Variants in NAALADL2 observed in about 807,000 individuals in gnomAD.
NAALADL2 encodes the protein inactive N-acetylated-alpha-linked acidic dipeptidase-like protein 2.
NAALADL2 carries 76 observed loss-of-function variants against 87.2 expected under a neutral mutation model. The observed-to-expected ratio is 0.87, with a 90% CI of 0.72 to 1.05. The LOEUF is 1.05. NAALADL2 is among the 50% of genes least tolerant of loss of function. The pLI is 0.00. For missense variants in NAALADL2, 1,089 were observed against 945.8 expected (o/e 1.15, Z -1.99); for synonymous variants, 354 against 331.0 (o/e 1.07, Z -0.75).
intron 1 of NAALADL2, among the ~76,000 whole-genome samples, chr3:174,941,334 CT>C (rs953801821): frequency 5.9e-5 from 9 of 151,670 alleles, no homozygotes; most frequent in African/African-American, 2.2e-4. Context: ...TCAGTCTTCT[CT>C]TTTTTTTGCA....
rs551750643 is a variant in NAALADL2, at chr3:174,773,943, T to C, written c.-9+36197T>C. Among the ~76,000 whole-genome samples the C allele has an allele frequency of 2.7e-3, 416 of 152,268 alleles. 2 individuals are homozygous for C. The highest frequency in any genetic ancestry group is 9.6e-3 in the African/African-American group (401 of 41,562). ...AACTTTGTAAATTTGAAATTCTTTC[T>C]TTTTCAGTTTCTATTTCCCCTCTAT... is the stretch of plus-strand genomic sequence containing the variant. On this transcript the variant is annotated intron_variant, in intron 3 of 3. Coordinates refer to the NAALADL2 transcript ENST00000434257.
intron 1 of NAALADL2, among the ~76,000 whole-genome samples, chr3:174,886,080 A>AT (rs1387547990): frequency 1.3e-5 from 2 of 150,950 alleles, no homozygotes; most frequent in Admixed American, 6.6e-5. Flanking sequence ...CGCCCAGCTA[A>AT]TTTTTTGTAT....
At chr3:174,576,396 T>C (rs529111510) in intron 2 of NAALADL2, among the ~76,000 whole-genome samples, 2 of 152,318 alleles carry the variant, frequency 1.3e-5, no homozygotes, top group South Asian at 4.1e-4. Context: ...ACTATAGATA[T>C]ATTTCCTTCA....
intron 2 of NAALADL2, among the ~76,000 whole-genome samples, chr3:175,145,822 T>C (rs1050418050): frequency 1.3e-5 from 2 of 152,138 alleles, no homozygotes; most frequent in South Asian, 4.1e-4. Context: ...AAAGATATTC[T>C]AAAACAAGTC....
At chr3:174,585,147 A>G (rs1348501767) in intron 2 of NAALADL2, among the ~76,000 whole-genome samples, 2 of 152,168 alleles carry the variant, frequency 1.3e-5, no homozygotes, top group African/African-American at 4.8e-5. Context: ...ATTACAAGTA[A>G]GGTCAGAGCT....
At chr3:175,037,376 CAA>C (rs1753547516) in intron 1 of NAALADL2, among the ~76,000 whole-genome samples, 1 of 152,044 alleles carries the variant, frequency 6.6e-6, no homozygotes, top group African/African-American at 2.4e-5. Context: ...TCAGGAGAAC[CAA>C]AGAGATGAGA....
At chr3:175,595,844 C>T (rs2149619876) in intron 10 of NAALADL2, among the ~76,000 whole-genome samples, 1 of 151,926 alleles carries the variant, frequency 6.6e-6, no homozygotes, top group Admixed American at 6.6e-5. Context: ...CAACACTATG[C>T]CTATGAAACT....
At chr3:174,715,248 T>C (rs531020336) in intron 2 of NAALADL2, among the ~76,000 whole-genome samples, 1 of 152,174 alleles carries the variant, frequency 6.6e-6, no homozygotes, top group African/African-American at 2.4e-5. Context: ...CTTTTAGATA[T>C]CTAGGCACAT....
At chr3:175,556,915 G>A (rs1715367859) in intron 9 of NAALADL2, among the ~76,000 whole-genome samples, 1 of 152,154 alleles carries the variant, frequency 6.6e-6, no homozygotes, top group South Asian at 2.1e-4. Context: ...ACAGCAGGCA[G>A]CACAAACAGA....
intron 9 of NAALADL2, among the ~76,000 whole-genome samples, chr3:175,548,467 T>C (rs1336719434): frequency 6.6e-6 from 1 of 152,014 alleles, no homozygotes; most frequent in Non-Finnish European, 1.5e-5. Flanking sequence ...GCTTAATACC[T>C]GGGTGAAAAA....
At chr3:174,858,348 T>C (rs912014141), upstream of NAALADL2, among the ~76,000 whole-genome samples, 3 of 152,042 alleles carry the variant, frequency 2.0e-5, no homozygotes, top group African/African-American at 4.8e-5. Context: ...ATTGCCTTAA[T>C]TCTGTGATAT....
intron 1 of NAALADL2, among the ~76,000 whole-genome samples, chr3:174,889,394 T>A (rs754608754): frequency 1.3e-5 from 2 of 152,184 alleles, no homozygotes; most frequent in Non-Finnish European, 2.9e-5. Context: ...AACAAAAGGA[T>A]GTGGGATTTA....
At chr3:175,415,203 T>C (rs1714369274) in intron 5 of NAALADL2, among the ~76,000 whole-genome samples, 1 of 152,210 alleles carries the variant, frequency 6.6e-6, no homozygotes, top group South Asian at 2.1e-4. Context: ...ATTTGGTTGG[T>C]GCAAAAGTAA....
chr3:175,697,965 A>G (rs1451714682), intron 11 of NAALADL2, among the ~76,000 whole-genome samples: 2 of 6 alleles, frequency 0.33, no homozygotes, highest in African/African-American at 0.33. Context: ...ATACATATAT[A>G]TGTGTATATA....
At chr3:175,082,386 G>GC (rs1718040680) in intron 1 of NAALADL2, among the ~76,000 whole-genome samples, 1 of 152,088 alleles carries the variant, frequency 6.6e-6, no homozygotes, top group Admixed American at 6.6e-5. Context: ...AGTGCATTAT[G>GC]CAACTAATTT....
intron 2 of NAALADL2, among the ~76,000 whole-genome samples, chr3:174,594,215 G>A (rs1424404913): frequency 6.6e-6 from 1 of 152,034 alleles, no homozygotes; most frequent in Admixed American, 6.6e-5. Context: ...TGCCAAATTT[G>A]TTTCCTAAAA....
intron 4 of NAALADL2, among the ~76,000 whole-genome samples, chr3:175,288,060 C>T (rs1369709159): frequency 6.6e-6 from 1 of 152,064 alleles, no homozygotes; most frequent in Admixed American, 6.6e-5. Context: ...TTTAATTCGT[C>T]AGGATTCAGA....
rs529189291 is a variant in NAALADL2 at position 175,636,696 on chromosome 3, T to TAAAAAAAAAA, written c.1896+9319_1896+9328dup. ...CTTGGTGACAGAGCAAGACTCCATC[T>TAAAAAAAAAA]AAAAAAAAAAAAAAAAAAGAAAAAA... On this transcript the variant is annotated intron_variant, in intron 11 of 13. Transcript: ENST00000454872. 7.6e-4 allele frequency among the ~76,000 whole-genome samples: 62 copies of TAAAAAAAAAA among 81,898 alleles called. 1 individual carries two copies. The highest frequency in any genetic ancestry group is 2.9e-3 in the East Asian group (8 of 2,770). The allele number at this position is 81,898 out of a possible 152,430, so 53.7% of individuals were successfully genotyped here.
chr3:174,882,795 ACACGTGTG>A (rs1560319629), intron 1 of NAALADL2, among the ~76,000 whole-genome samples: 7 of 106,616 alleles, frequency 6.6e-5, no homozygotes, highest in African/African-American at 3.2e-4. Flanking sequence ...GTGTATATAT[ACACGTGTG>A]TATATGTGCA....
Sources: gnomAD v4.1 joint callset for allele counts (sites outside exome capture counted in the v4.1 genomes callset) on GRCh38, gnomAD v4.1.1 for gene constraint, MANE v1.5 for transcripts, NCBI Gene and HGNC (gene_info 2026-07-23, HGNC 2026-07-21) for gene names.